The following SBF2 variants were observed in gnomAD, a reference collection of about 807,000 sequenced individuals.
SBF2 encodes myotubularin-related protein 13.
SBF2 carries 112 observed loss-of-function variants against 225.2 expected under a neutral mutation model. The observed-to-expected ratio is 0.50, with a 90% confidence interval of 0.43 to 0.58. The LOEUF (loss-of-function observed/expected upper bound fraction) is 0.58. Among genes scored for constraint, SBF2 ranks in the 20% least tolerant of loss-of-function variants. SBF2 has a pLI of 0.00. For synonymous variants in SBF2, 763 were observed against 773.3 expected, an observed-to-expected ratio of 0.99 and a Z score of 0.22; for missense variants, 1,996 against 2,206.2, an observed-to-expected ratio of 0.90 and a Z score of 1.91.
At chr11:10,222,225 C>T (rs536224617) in intron 1 of SBF2, among the ~76,000 whole-genome samples, 1 of 152,220 alleles carries the variant, frequency 6.6e-6, no homozygotes, top group East Asian at 1.9e-4. Context: ...TTCACAATAT[C>T]CAAAACACAA....
intron 19 of SBF2, among the ~76,000 whole-genome samples, chr11:9,854,427 A>G (rs571281345): frequency 6.6e-6 from 1 of 152,318 alleles, no homozygotes; most frequent in East Asian, 1.9e-4. Context: ...GAAAAGACTC[A>G]TTTGTCTGTT....
At chr11:9,964,516 T>C (rs1224659537) in intron 14 of SBF2, among the ~76,000 whole-genome samples, 1 of 152,232 alleles carries the variant, frequency 6.6e-6, no homozygotes, top group Non-Finnish European at 1.5e-5. Context: ...TTGTTAATAT[T>C]TCTAAGATAT....
intron 33 of SBF2, among the ~76,000 whole-genome samples, chr11:9,792,149 C>G (rs985998647): frequency 6.6e-6 from 1 of 152,062 alleles, no homozygotes; most frequent in Non-Finnish European, 1.5e-5. Flanking sequence ...AATTATGACT[C>G]AGCGTGGTGC....
At chr11:9,882,805 AAAAAAAAAAAAAAAAC>A (rs1169070075) in intron 17 of SBF2, among the ~76,000 whole-genome samples, 1 of 83,376 alleles carries the variant, frequency 1.2e-5, no homozygotes, top group East Asian at 2.9e-4. Context: ...CAAAAAAAAA[AAAAAAAAAAAAAAAAC>A]CACCAAAAAA....
At chr11:9,850,245 T>G in intron 21 of SBF2, 27 bp from the exon 22 acceptor site, 12 of 1,603,162 alleles carry the variant, frequency 7.5e-6, no homozygotes, top group African/African-American at 1.3e-5. Flanking sequence ...ATTGATTGAT[T>G]GATTGATTGA....
At chr11:10,146,078 CACAA>C (rs1565283334) in intron 2 of SBF2, among the ~76,000 whole-genome samples, 1 of 152,068 alleles carries the variant, frequency 6.6e-6, no homozygotes, top group Non-Finnish European at 1.5e-5. Context: ...TCAGAGATGA[CACAA>C]ACAAATGGAA....
At chr11:9,900,733 T>TA (rs973488267) in intron 16 of SBF2, among the ~76,000 whole-genome samples, 10 of 152,174 alleles carry the variant, frequency 6.6e-5, no homozygotes, top group African/African-American at 9.7e-5. Context: ...AAAGATCATT[T>TA]AAAAAAATTT....
chr11:10,165,182 T>C (rs1413388410), intron 2 of SBF2: 1 of 152,208 alleles, frequency 6.6e-6, no homozygotes. Context: ...TAACTTACTA[T>C]ATAAATGATT....
intron 1 of SBF2, among the ~76,000 whole-genome samples, chr11:10,219,657 C>T (rs1168507405): frequency 6.6e-6 from 1 of 152,102 alleles, no homozygotes; most frequent in East Asian, 1.9e-4. Context: ...AATGCTCTGC[C>T]GCTTAGAAAT....
chr11:10,212,708 C>T (rs1399503064), intron 1 of SBF2, among the ~76,000 whole-genome samples: 32 of 152,178 alleles, frequency 2.1e-4, no homozygotes, highest in Admixed American at 2.1e-3. Flanking sequence ...ACCCCTTAAT[C>T]AATTTGCATA....
At chr11:9,793,588 C>T (rs1852898705) in intron 33 of SBF2, among the ~76,000 whole-genome samples, 1 of 152,146 alleles carries the variant, frequency 6.6e-6, no homozygotes, top group African/African-American at 2.4e-5. Flanking sequence ...TGGGGTTTCG[C>T]CGTGTTGGCC....
intron 32 of SBF2, among the ~76,000 whole-genome samples, chr11:9,800,152 T>C (rs1231845161): frequency 4.6e-5 from 7 of 152,024 alleles, no homozygotes; most frequent in African/African-American, 1.7e-4. Flanking sequence ...GCGAAAGGAT[T>C]GCTTGAACCT....
intron 17 of SBF2, among the ~76,000 whole-genome samples, chr11:9,862,850 G>A (rs1215585931): frequency 6.6e-6 from 1 of 152,124 alleles, no homozygotes; most frequent in African/African-American, 2.4e-5. Flanking sequence ...CTGTATACTA[G>A]CATCATAATC....
intron 2 of SBF2, among the ~76,000 whole-genome samples, chr11:10,172,359 A>AT (rs555620934): frequency 1.1e-3 from 160 of 148,740 alleles, no homozygotes; most frequent in Admixed American, 4.4e-3. Context: ...TCAAAAAAAA[A>AT]TTTTTTTTTT....
chr11:10,147,602 A>C (rs1954951682), intron 2 of SBF2, among the ~76,000 whole-genome samples: 1 of 152,152 alleles, frequency 6.6e-6, no homozygotes, highest in African/African-American at 2.4e-5. Flanking sequence ...AATCAGGAAA[A>C]ATAACTGCTA....
At chr11:9,888,207 C>T (rs1055643535) in intron 17 of SBF2, among the ~76,000 whole-genome samples, 5 of 152,086 alleles carry the variant, frequency 3.3e-5, no homozygotes, top group Non-Finnish European at 5.9e-5. Context: ...ATTAGAAATA[C>T]GTGAAAATGG....
intron 2 of SBF2, among the ~76,000 whole-genome samples, chr11:10,110,138 CTTTA>C (rs1009994565): frequency 2.0e-5 from 3 of 152,172 alleles, no homozygotes; most frequent in African/African-American, 7.2e-5. Flanking sequence ...TCTTCACTGC[CTTTA>C]TTTGAGGCCA....
chr11:9,825,503 C>T (rs1438068368), intron 28 of SBF2, among the ~76,000 whole-genome samples: 1 of 152,136 alleles, frequency 6.6e-6, no homozygotes, highest in African/African-American at 2.4e-5. Context: ...GCCTGACACA[C>T]TCATTGGAAA....
intron 16 of SBF2, among the ~76,000 whole-genome samples, chr11:9,932,889 T>C (rs1299360986): frequency 7.4e-6 from 1 of 135,462 alleles, no homozygotes; most frequent in Admixed American, 8.3e-5. Context: ...GAGACCCATC[T>C]CACATGAAGA....
Sources: allele counts gnomAD v4.1 joint callset (sites outside exome capture counted in the v4.1 genomes callset), GRCh38; gene constraint gnomAD v4.1.1; transcripts MANE v1.5; gene names NCBI Gene and HGNC (gene_info 2026-07-23, HGNC 2026-07-21).